Variants in MCRS1 observed in about 807,000 individuals in gnomAD.
The protein encoded by MCRS1 is 58 kDa microspherule protein.
In MCRS1, 22 loss-of-function variants were observed where a neutral mutation model predicts 62.9. That is an observed-to-expected ratio of 0.35 (90% CI 0.25 to 0.50). MCRS1 has a LOEUF of 0.50. MCRS1 is among the 20% of genes least tolerant of loss of function. The probability of loss-of-function intolerance (pLI) is 0.98; values close to 1 mark genes in which losing one functional copy is unlikely to be tolerated. For synonymous variants in MCRS1, 244 were observed against 233.5 expected, an observed-to-expected ratio of 1.04 and a Z score of -0.41; for missense variants, 456 against 601.1, an observed-to-expected ratio of 0.76 and a Z score of 2.52.
Position 49,558,715 on chromosome 12 carries a change from T to C in MCRS1, c.1317A>G (p.Arg439=), listed in dbSNP as rs202229360. The C allele has an allele frequency of 8.1e-6, 13 of 1,613,774 alleles. No individual in the cohort carries two copies. Among genetic ancestry groups the C allele is most frequent in the African/African-American group, 1.3e-5 (1 of 74,960 alleles). Residue 439 remains arginine, a synonymous_variant, in exon 15 of 15, where the codon CGA becomes CGG. Transcript: ENST00000343810. The part of the protein sequence containing the change: ...NNSVVEIASL[R]FVFLINQDLI... Reference sequence around the variant, plus strand: ...GGTCCTGGTTGATAAGGAAGACGAATCGCAGGCTGGCGATCTGGGTGGGAG... The same window carrying C: ...GGTCCTGGTTGATAAGGAAGACGAACCGCAGGCTGGCGATCTGGGTGGGAG...
At chr12:49,565,762 GTGCTATC>G in intron 3 of MCRS1, 95 bp from the exon 4 acceptor site, 2 of 1,554,944 alleles carry the variant, frequency 1.3e-6, no homozygotes, top group Non-Finnish European at 1.8e-6. Flanking sequence ...GCCCAGTAGG[GTGCTATC>G]TGCTCCAGCC....
In MCRS1 at chr12:49,559,713, G is replaced by A. The variant is rs775565880; in HGVS notation, c.1003+16C>T. On this transcript the variant is annotated intron_variant, in intron 11 of 14. Coordinates refer to ENST00000343810, the MANE Select transcript of MCRS1 (RefSeq NM_006337.5). The surrounding 1 kb of genome is among the most constrained non-coding windows in gnomAD (Gnocchi z 5.2). ...GATGCTGAAGAGTGAGCCTTCTGGT[G>A]CCCAGGCCTCCTCACCTGTGATGCT... 2 of 1,613,604 alleles carry A rather than the reference G, an allele frequency of 1.2e-6. No individual in the cohort carries two copies. Among genetic ancestry groups the A allele is most frequent in the Admixed American group, 3.3e-5 (2 of 60,004 alleles).
intron 8 of MCRS1, among the ~76,000 whole-genome samples, chr12:49,561,967 AG>A: frequency 6.6e-6 from 1 of 152,338 alleles, no homozygotes; most frequent in South Asian, 2.1e-4. Context: ...TAAAAAGAAA[AG>A]TTATCCAGTC....
Position 49,559,040 on chromosome 12 carries a change from A to C in MCRS1, c.1175-70T>G, listed in dbSNP as rs1938610649. Reference sequence around the variant, plus strand: ...TTGATGGGATGGGGAAAGGCCAGAGAGAGCCAGGAGCTTCCATGGACCAGC... The same window carrying C: ...TTGATGGGATGGGGAAAGGCCAGAGCGAGCCAGGAGCTTCCATGGACCAGC... On this transcript the variant is annotated intron_variant, in intron 13 of 14. Coordinates refer to ENST00000343810, the MANE Select transcript of MCRS1 (RefSeq NM_006337.5). The surrounding 1 kb of genome is among the most constrained non-coding windows in gnomAD (Gnocchi z 5.2). 4 of 1,594,912 alleles carry C rather than the reference A, an allele frequency of 2.5e-6. No individual in the cohort carries two copies. Among genetic ancestry groups the C allele is most frequent in the Non-Finnish European group, 3.4e-6 (4 of 1,168,106 alleles).
Position 49,558,989 on chromosome 12 carries a change from A to G in MCRS1, c.1175-19T>C. ...ATGACACCTGTGGAAGCAGAAAGAA[A>G]GAAGGGATGATGGGATGGGGAGGGA... On this transcript the variant is annotated intron_variant, in intron 13 of 14. Transcript: ENST00000343810. 1 of 1,609,982 alleles carries G rather than the reference A, an allele frequency of 6.2e-7. No homozygotes were observed. The highest frequency in any genetic ancestry group is 1.1e-5 in the South Asian group (1 of 91,056).
chr12:49,558,799 C>CG lies in MCRS1; in HGVS notation c.1302+43dup, dbSNP rs760862760. The CG allele has an allele frequency of 1.4e-5, 22 of 1,613,410 alleles. No homozygotes were observed. The African/African-American group carries it at 2.5e-4, about 19-fold the overall frequency. ...ACCAAGTTGGTGTACTGGCTCACCA[C>CG]GCCTAGGTCTCATCCTGGCCTTCCT... is the stretch of plus-strand genomic sequence containing the variant. On this transcript the variant is annotated intron_variant, in intron 14 of 14. Transcript: ENST00000343810.
At chr12:49,565,756 A>C (rs1939025591) in intron 3 of MCRS1, 89 bp from the exon 4 acceptor site, 1 of 1,577,708 alleles carries the variant, frequency 6.3e-7, no homozygotes, top group Non-Finnish European at 8.7e-7. Flanking sequence ...GCAGGTGCCC[A>C]GTAGGGTGCT....
chr12:49,562,836 C>G (rs1938840781), intron 8 of MCRS1, among the ~76,000 whole-genome samples, 165 bp downstream of exon 8: 1 of 152,192 alleles, frequency 6.6e-6, no homozygotes, highest in African/African-American at 2.4e-5. Context: ...CAGCCACTTT[C>G]TCTCTCTGGA....
chr12:49,563,611 C>T (rs1004453444), intron 6 of MCRS1, 65 bp from the exon 7 acceptor site: 106 of 1,233,932 alleles, frequency 8.6e-5, no homozygotes, highest in Admixed American at 2.0e-4. Flanking sequence ...GGGGTTCCTA[C>T]TATTTCCCCC....
rs905685180 is a variant in MCRS1 at position 49,560,288 on chromosome 12, C to T, written c.881+7G>A. 2 of 1,613,900 alleles carry T rather than the reference C, an allele frequency of 1.2e-6. No individual in the cohort carries two copies. The highest frequency in any genetic ancestry group is 8.5e-7 in the Non-Finnish European group (1 of 1,179,832). Reference sequence around the variant, plus strand: ...CTCCACCCCTTCCTGTGTCTCCAGCCACTCACTTGAGCTTACTGTCATCAA... The same window carrying T: ...CTCCACCCCTTCCTGTGTCTCCAGCTACTCACTTGAGCTTACTGTCATCAA... On this transcript the variant is annotated splice_region_variant and intron_variant, in intron 9 of 14. Transcript: ENST00000343810.
rs184615035 is a variant in MCRS1 at position 49,567,426 on chromosome 12, C to T, written c.-110-585G>A. On this transcript the variant is annotated intron_variant, in intron 1 of 14. Transcript: ENST00000343810. Reference sequence around the variant, plus strand: ...TATCAACCACGCTGTGCCCCAACAACCCCTAGAGAACCCAGGTACTGGACT... The same window carrying T: ...TATCAACCACGCTGTGCCCCAACAATCCCTAGAGAACCCAGGTACTGGACT... Among the ~76,000 whole-genome samples the T allele has an allele frequency of 1.6e-3, 250 of 152,104 alleles. No individual in the cohort carries two copies. The Middle Eastern group carries it at 0.017, about 10-fold the overall frequency.
rs887926957 is a variant in MCRS1, at chr12:49,559,060, A to T, written c.1175-90T>A. 6 of 1,573,624 alleles carry T rather than the reference A, an allele frequency of 3.8e-6. No individual in the cohort carries two copies. Among genetic ancestry groups the T allele is most frequent in the Non-Finnish European group, 5.2e-6 (6 of 1,149,740 alleles). On this transcript the variant is annotated intron_variant, in intron 13 of 14. Coordinates refer to ENST00000343810, the MANE Select transcript of MCRS1 (RefSeq NM_006337.5). The surrounding 1 kb of genome is among the most constrained non-coding windows in gnomAD (Gnocchi z 5.2). ...CAGAGAGAGCCAGGAGCTTCCATGGACCAGCTCTGCTTCCTGCAGACACCA... is the reference window on the plus strand; with the variant it reads ...CAGAGAGAGCCAGGAGCTTCCATGGTCCAGCTCTGCTTCCTGCAGACACCA...
At chr12:49,562,362 C>T (rs1377853853) in intron 8 of MCRS1, among the ~76,000 whole-genome samples, 4 of 152,216 alleles carry the variant, frequency 2.6e-5, no homozygotes, top group Non-Finnish European at 2.9e-5. Context: ...TTTCTTACCC[C>T]ATCACTGGGA....
intron 8 of MCRS1, among the ~76,000 whole-genome samples, chr12:49,561,917 A>C (rs898543860): frequency 7.2e-5 from 11 of 152,216 alleles, no homozygotes; most frequent in African/African-American, 2.7e-4. Context: ...CATGCCTGGC[A>C]TAACTTTTAA....
Position 49,560,962 on chromosome 12 carries a change from A to AT in MCRS1, c.806-593dup, listed in dbSNP as rs532521007. 2.6e-3 allele frequency among the ~76,000 whole-genome samples: 400 copies of AT among 152,232 alleles called. 1 individual carries two copies. The highest frequency in any genetic ancestry group is 0.01 in the Middle Eastern group (3 of 294). ...GCTAATGGGTCATGAAATCAGTTTC[A>AT]TTTTTTCAAAAAATGAAATGGAATA... On this transcript the variant is annotated intron_variant, in intron 8 of 14. Coordinates refer to ENST00000343810, the MANE Select transcript of MCRS1 (RefSeq NM_006337.5).
intron 14 of MCRS1, 57 bp from the exon 15 acceptor site, chr12:49,558,786 T>C: frequency 6.2e-7 from 1 of 1,613,570 alleles, no homozygotes; most frequent in Non-Finnish European, 8.5e-7. Context: ...CAAGTTGGTG[T>C]ACTGGCTCAC....
rs1255235046 is a variant in MCRS1, at chr12:49,568,131, C to T, written c.-194G>A. 2 of 152,242 alleles carry T rather than the reference C, an allele frequency of 1.3e-5. No homozygotes were observed. Among genetic ancestry groups the T allele is most frequent in the African/African-American group, 2.4e-5 (1 of 41,454 alleles). The allele number at this position is 152,242 out of a possible 1,614,324, so 9.4% of individuals were successfully genotyped here. The stretch of plus-strand genomic sequence containing the variant: ...CAAAGCCGGCTTCCGTGAGGTACGT[C>T]TACTTCCGGTTAACGAACCAGGGGG... On this transcript the variant is annotated 5_prime_UTR_variant, in exon 1 of 15. Coordinates refer to ENST00000343810, the MANE Select transcript of MCRS1 (RefSeq NM_006337.5).
chr12:49,563,188 CCT>C (rs61331732), intron 7 of MCRS1, 49 bp from the exon 8 acceptor site: 191,374 of 1,544,772 alleles, frequency 0.12, 16,292 homozygotes, highest in African/African-American at 0.45. Context: ...TTCACACATG[CCT>C]CTCTGCCTTA....
In MCRS1 at chr12:49,559,388, A is replaced by T. The variant is rs1220756095; in HGVS notation, c.1086+65T>A. The T allele has an allele frequency of 1.2e-6, 2 of 1,609,908 alleles. No individual in the cohort carries two copies. Among genetic ancestry groups the T allele is most frequent in the Non-Finnish European group, 1.7e-6 (2 of 1,176,344 alleles). On this transcript the variant is annotated intron_variant, in intron 12 of 14. Transcript: ENST00000343810. The surrounding 1 kb of genome is among the most constrained non-coding windows in gnomAD (Gnocchi z 5.2). ...GCCAGAGAAAGATGGGAAACCAAGG[A>T]CTACGCAGAGAAAGGCACTGACAGA...
Sources: allele counts gnomAD v4.1 joint callset (sites outside exome capture counted in the v4.1 genomes callset), GRCh38; gene constraint gnomAD v4.1.1; non-coding constraint Gnocchi (gnomAD v3.1); transcripts MANE v1.5; gene names NCBI Gene and HGNC (gene_info 2026-07-23, HGNC 2026-07-21).